LRRIQ1: variants seen among roughly 807,000 people sequenced by gnomAD.
LRRIQ1 encodes leucine-rich repeat- and IQ domain-containing protein 1.
A neutral mutation model predicts 211.9 loss-of-function variants in LRRIQ1; 210 were observed. The observed-to-expected ratio is 0.99, with a 90% confidence interval of 0.89 to 1.11. LRRIQ1 has a LOEUF of 1.11. LRRIQ1 is among the 50% of genes most tolerant of loss of function. The pLI is 0.00. For missense variants in LRRIQ1, 2,136 were observed against 1,939.5 expected (o/e 1.10, Z -1.90); for synonymous variants, 699 against 650.1 (o/e 1.08, Z -1.14).
In LRRIQ1 at chr12:85,215,028, G is replaced by A. The variant is rs111575888; in HGVS notation, c.4823-14489G>A. Among the ~76,000 whole-genome samples the A allele has an allele frequency of 2.8e-4, 43 of 152,104 alleles. 1 individual carries two copies. Among genetic ancestry groups the A allele is most frequent in the African/African-American group, 9.4e-4 (39 of 41,512 alleles). On this transcript the variant is annotated intron_variant, in intron 24 of 26. Coordinates refer to ENST00000393217, the MANE Select transcript of LRRIQ1 (RefSeq NM_001079910.2). Reference sequence around the variant, plus strand: ...AGAAAAATAAACAGGAAGTTTTAACGTACATCTTGTAAAAGAAATCCAAAT... The same window carrying A: ...AGAAAAATAAACAGGAAGTTTTAACATACATCTTGTAAAAGAAATCCAAAT...
At chr12:85,157,331 G>A (rs1225320315) in intron 23 of LRRIQ1, among the ~76,000 whole-genome samples, 1 of 151,728 alleles carries the variant, frequency 6.6e-6, no homozygotes, top group African/African-American at 2.4e-5. Flanking sequence ...AAAGCTACAC[G>A]GTAAAATCTA....
intron 24 of LRRIQ1, among the ~76,000 whole-genome samples, chr12:85,195,657 G>A (rs1468731194): frequency 2.0e-5 from 3 of 151,124 alleles, no homozygotes; most frequent in East Asian, 2.0e-4. Context: ...AATAAATTAG[G>A]TATTGATGGG....
chr12:85,156,191 T>C (rs770281320), intron 23 of LRRIQ1, among the ~76,000 whole-genome samples: 2 of 151,814 alleles, frequency 1.3e-5, no homozygotes, highest in Non-Finnish European at 2.9e-5. Context: ...GTATCACTTT[T>C]GTTTTGCTTT....
chr12:85,097,135 G>T (rs752776457), intron 11 of LRRIQ1, among the ~76,000 whole-genome samples: 68 of 152,014 alleles, frequency 4.5e-4, no homozygotes, highest in Non-Finnish European at 7.5e-4. Context: ...CTTTTAAGGG[G>T]GCATTGTATT....
intron 11 of LRRIQ1, among the ~76,000 whole-genome samples, chr12:85,087,146 A>C (rs1402652180): frequency 6.6e-6 from 1 of 151,704 alleles, no homozygotes; most frequent in East Asian, 1.9e-4. Context: ...CCTGTGTCCA[A>C]GTGTTCTCAT....
chr12:85,260,127 G>T (rs2137332437), intron 1 of LRRIQ1, among the ~76,000 whole-genome samples: 3 of 67,122 alleles, frequency 4.5e-5, no homozygotes, highest in East Asian at 2.7e-4. Flanking sequence ...TTTCATGTTG[G>T]TTAAAAAAAA....
rs571080670 is a variant in LRRIQ1, at chr12:85,120,812, TG to T, written c.3378-883del. Among the ~76,000 whole-genome samples, 8 of 148,774 alleles carry T rather than the reference TG, an allele frequency of 5.4e-5. No individual in the cohort carries two copies. In the East Asian group the frequency reaches 1.6e-3, roughly 30 times the overall value. ...TTTTCCCCTGTAACTATCAGCAGCC[TG>T]GTGAAAAGAGACCTACACTCTCTCC... On this transcript the variant is annotated intron_variant, in intron 15 of 26. Transcript: ENST00000393217.
chr12:85,247,455 A>G (rs533991325), downstream of LRRIQ1, among the ~76,000 whole-genome samples: 3 of 151,680 alleles, frequency 2.0e-5, no homozygotes, highest in East Asian at 3.9e-4. Context: ...GTGTTGTTAT[A>G]ATTTTATAAC....
intron 24 of LRRIQ1, among the ~76,000 whole-genome samples, chr12:85,166,625 G>T (rs1891166443): frequency 6.6e-6 from 1 of 152,050 alleles, no homozygotes; most frequent in Admixed American, 6.6e-5. Context: ...TTTAAAGGAG[G>T]TCTTGCATTT....
At chr12:85,085,466 G>A (rs1884724909) in intron 11 of LRRIQ1, among the ~76,000 whole-genome samples, 1 of 152,138 alleles carries the variant, frequency 6.6e-6, no homozygotes, top group African/African-American at 2.4e-5. Flanking sequence ...ATATCAGGGG[G>A]AATATGTGCA....
At chr12:85,250,974 T>TAATAG (rs1327568525) in intron 1 of LRRIQ1, among the ~76,000 whole-genome samples, 68 of 119,394 alleles carry the variant, frequency 5.7e-4, no homozygotes, top group African/African-American at 2.1e-3. Flanking sequence ...ATATTATATA[T>TAATAG]ATTATAGATT....
At chr12:85,094,268 G>T (rs1157356595) in intron 11 of LRRIQ1, among the ~76,000 whole-genome samples, 3 of 152,146 alleles carry the variant, frequency 2.0e-5, no homozygotes, top group African/African-American at 7.2e-5. Context: ...CCATCTATTT[G>T]CAGGAAAGCA....
At chr12:85,261,359 T>C (rs888496421) in intron 1 of LRRIQ1, among the ~76,000 whole-genome samples, 8 of 152,232 alleles carry the variant, frequency 5.3e-5, no homozygotes, top group Non-Finnish European at 8.8e-5. Flanking sequence ...CAAAATTCAG[T>C]ACTCTGTATT....
intron 24 of LRRIQ1, among the ~76,000 whole-genome samples, chr12:85,172,917 G>C (rs1565883524): frequency 6.6e-6 from 1 of 151,910 alleles, no homozygotes; most frequent in East Asian, 1.9e-4. Context: ...GACCATCCTG[G>C]TGAACATGGT....
At chr12:85,077,522 A>T (rs539158455) in intron 11 of LRRIQ1, among the ~76,000 whole-genome samples, 2 of 152,294 alleles carry the variant, frequency 1.3e-5, no homozygotes, top group South Asian at 4.1e-4. Flanking sequence ...AGGGGAAGAA[A>T]TATTGGATAT....
At chr12:85,038,486 TATC>T (rs1324098182) in intron 2 of LRRIQ1, among the ~76,000 whole-genome samples, 178 bp downstream of exon 2, 1 of 151,686 alleles carries the variant, frequency 6.6e-6, no homozygotes, top group African/African-American at 2.4e-5. Flanking sequence ...AAATTGGGAT[TATC>T]ATTATATATA....
intron 5 of LRRIQ1, 54 bp from the exon 6 acceptor site, chr12:85,047,193 T>A (rs1158939498): frequency 1.7e-5 from 22 of 1,321,064 alleles, no homozygotes; most frequent in Non-Finnish European, 2.2e-5. Context: ...TTTGAATTAG[T>A]TTTGACAGTT....
rs145498564 is a variant in LRRIQ1 at position 85,130,272 on chromosome 12, G to A, written c.4209+2239G>A. ...TGATAGAAGTGGGAGTGAGGAGACA[G>A]CAATTGATTCAAGGAAACTCTGAGA... On this transcript the variant is annotated intron_variant, in intron 18 of 26. Coordinates refer to ENST00000393217, the MANE Select transcript of LRRIQ1 (RefSeq NM_001079910.2). Among the ~76,000 whole-genome samples, 17 of 152,230 alleles carry A rather than the reference G, an allele frequency of 1.1e-4. No homozygotes were observed. In the East Asian group the frequency reaches 3.1e-3, roughly 28 times the overall value.
chr12:85,211,476 G>A (rs1893834812), intron 24 of LRRIQ1, among the ~76,000 whole-genome samples: 1 of 152,142 alleles, frequency 6.6e-6, no homozygotes, highest in African/African-American at 2.4e-5. Context: ...TACGTGTTAT[G>A]TAAATTAGCA....
Sources: gnomAD v4.1 joint callset for allele counts (sites outside exome capture counted in the v4.1 genomes callset) on GRCh38, gnomAD v4.1.1 for gene constraint, MANE v1.5 for transcripts, NCBI Gene and HGNC (gene_info 2026-07-23, HGNC 2026-07-21) for gene names.